The following ULK4 variants were observed in gnomAD, a reference collection of about 807,000 sequenced individuals.
The protein encoded by ULK4 is inactive serine/threonine-protein kinase ULK4.
A neutral mutation model predicts 160.6 loss-of-function variants in ULK4; 133 were observed. The ratio of observed to expected loss-of-function variants is 0.83; its 90% CI spans 0.72 to 0.96. The LOEUF (loss-of-function observed/expected upper bound fraction) is 0.96. ULK4 is among the 40% of genes least tolerant of loss of function. The pLI is 0.00. For missense variants in ULK4, 1,580 were observed against 1,499.5 expected, an observed-to-expected ratio of 1.05 and a Z score of -0.89; for synonymous variants, 534 against 539.8, an observed-to-expected ratio of 0.99 and a Z score of 0.15.
intron 5 of ULK4, among the ~76,000 whole-genome samples, chr3:41,926,013 AC>A (rs1699373180): frequency 1.3e-5 from 2 of 152,104 alleles, no homozygotes; most frequent in African/African-American, 4.8e-5. Flanking sequence ...AGGTCAGACT[AC>A]CTTCTCAAGT....
intron 35 of ULK4, among the ~76,000 whole-genome samples, chr3:41,381,246 G>C (rs575735167): frequency 6.6e-6 from 1 of 151,998 alleles, no homozygotes; most frequent in Non-Finnish European, 1.5e-5. Context: ...TGATCTTGTC[G>C]TCCTCCACAC....
chr3:41,823,025 A>AT (rs141965533), intron 18 of ULK4, among the ~76,000 whole-genome samples: 45,444 of 150,122 alleles, frequency 0.3, 9,452 homozygotes, highest in African/African-American at 0.6. Flanking sequence ...CCCGGCCGAG[A>AT]TTTTTTTTTT....
At chr3:41,361,861 T>C (rs1355353244) in intron 35 of ULK4, among the ~76,000 whole-genome samples, 1 of 152,212 alleles carries the variant, frequency 6.6e-6, no homozygotes, top group East Asian at 1.9e-4. Context: ...TTTTTGTATC[T>C]GTCATTATGA....
At chr3:41,728,253 A>G (rs2037715358) in intron 22 of ULK4, among the ~76,000 whole-genome samples, 1 of 152,148 alleles carries the variant, frequency 6.6e-6, no homozygotes, top group African/African-American at 2.4e-5. Flanking sequence ...AAAGAAAACA[A>G]TGTGTATTTG....
In ULK4 at chr3:41,931,951, A is replaced by G. The variant is rs745792280; in HGVS notation, c.434T>C (p.Val145Ala). The G allele has an allele frequency of 6.8e-6, 11 of 1,613,810 alleles. No individual in the cohort carries two copies. The South Asian group carries it at 1.2e-4, about 18-fold the overall frequency. The change falls in exon 5 of 37, where the codon GTG (valine) becomes GCG (alanine). Residue 145 changes from valine to alanine, a missense_variant. By Grantham distance (64) the Val-to-Ala change is moderately conservative. Coordinates refer to ENST00000301831, the MANE Select transcript of ULK4 (RefSeq NM_017886.4). ...LKFSNFCLAK[V>A]EGENLEEFFA... ...GAACTCTTCCAAATTTTCACCTTCC[A>G]CTTTTGCCAAGCAAAAGTTGCTAAA...
At chr3:41,350,560 G>A (rs960102057) in intron 35 of ULK4, among the ~76,000 whole-genome samples, 1 of 152,202 alleles carries the variant, frequency 6.6e-6, no homozygotes, top group Non-Finnish European at 1.5e-5. Context: ...GTGTGTGGGT[G>A]TGTTTTAATA....
At chr3:41,559,202 G>A (rs564506016) in intron 32 of ULK4, among the ~76,000 whole-genome samples, 4 of 143,268 alleles carry the variant, frequency 2.8e-5, no homozygotes, top group South Asian at 4.7e-4. Flanking sequence ...CAAAGGACAC[G>A]AACTCATCCT....
At chr3:41,562,209 T>C (rs4588338) in intron 32 of ULK4, among the ~76,000 whole-genome samples, 151,731 of 152,362 alleles carry the variant, frequency 1, 75,556 homozygotes, top group Middle Eastern at 1. Context: ...AATTTGATTG[T>C]ACTGTGGTCT....
chr3:41,279,255 T>TAAAAAAAAAAAAAAAA (rs771175184), intron 35 of ULK4, among the ~76,000 whole-genome samples: 43 of 42,930 alleles, frequency 1.0e-3, no homozygotes, highest in South Asian at 1.8e-3. Flanking sequence ...AAAAAAAGAG[T>TAAAAAAAAAAAAAAAA]AAAAAAAAAA....
At chr3:41,491,428 AAG>A (rs1304404840) in intron 32 of ULK4, among the ~76,000 whole-genome samples, 4 of 152,128 alleles carry the variant, frequency 2.6e-5, no homozygotes, top group Non-Finnish European at 4.4e-5. Context: ...CAAAAATTAA[AAG>A]AGTTTGGCAC....
At chr3:41,885,026 T>G (rs1697670888) in intron 16 of ULK4, among the ~76,000 whole-genome samples, 1 of 152,178 alleles carries the variant, frequency 6.6e-6, no homozygotes, top group African/African-American at 2.4e-5. Flanking sequence ...CCAGCTAATT[T>G]TTTTTACTTT....
At chr3:41,323,154 C>T (rs925029567) in intron 35 of ULK4, among the ~76,000 whole-genome samples, 5 of 151,580 alleles carry the variant, frequency 3.3e-5, no homozygotes, top group African/African-American at 1.2e-4. Context: ...TCAGGCTGGT[C>T]GTGAACTCCC....
At chr3:41,597,839 C>T (rs903626660) in intron 31 of ULK4, among the ~76,000 whole-genome samples, 2 of 152,108 alleles carry the variant, frequency 1.3e-5, no homozygotes, top group South Asian at 2.1e-4. Flanking sequence ...ATAGTGGAGG[C>T]GAAGTCTACT....
intron 2 of ULK4, 89 bp from the exon 3 acceptor site, chr3:41,938,286 G>T: frequency 1.1e-6 from 1 of 939,966 alleles, no homozygotes; most frequent in Non-Finnish European, 1.6e-6. Flanking sequence ...ATTGGTAAAT[G>T]GATAAGAAAA....
intron 32 of ULK4, among the ~76,000 whole-genome samples, chr3:41,551,400 A>G (rs2087059696): frequency 8.4e-6 from 1 of 119,458 alleles, no homozygotes; most frequent in African/African-American, 3.0e-5. Context: ...CAAGAAAAAA[A>G]GGAAGAAGAT....
At chr3:41,805,686 A>G (rs1388029536) in intron 19 of ULK4, among the ~76,000 whole-genome samples, 4 of 151,636 alleles carry the variant, frequency 2.6e-5, no homozygotes, top group African/African-American at 7.3e-5. Context: ...GAGAGTTTTT[A>G]GCATGAAGGG....
At chr3:41,359,410 C>G (rs1012055032) in intron 35 of ULK4, among the ~76,000 whole-genome samples, 1 of 152,228 alleles carries the variant, frequency 6.6e-6, no homozygotes, top group African/African-American at 2.4e-5. Flanking sequence ...AATCTTCAGG[C>G]AGGCACTGCA....
intron 17 of ULK4, among the ~76,000 whole-genome samples, chr3:41,860,840 G>T: frequency 6.6e-6 from 1 of 151,862 alleles, no homozygotes; most frequent in Admixed American, 6.6e-5. Flanking sequence ...TTTTCTCTGG[G>T]GATATGATTT....
intron 35 of ULK4, among the ~76,000 whole-genome samples, chr3:41,325,555 G>A (rs900226752): frequency 4.6e-5 from 7 of 152,152 alleles, no homozygotes; most frequent in African/African-American, 1.7e-4. Context: ...AACTGCATGT[G>A]AGGAGAAAAG....
Sources: gnomAD v4.1 joint callset for allele counts (sites outside exome capture counted in the v4.1 genomes callset) on GRCh38, gnomAD v4.1.1 for gene constraint, MANE v1.5 for transcripts, NCBI Gene and HGNC (gene_info 2026-07-23, HGNC 2026-07-21) for gene names.